Variants in POPDC1 observed in about 807,000 individuals in gnomAD.
The protein encoded by POPDC1 is popeye domain cAMP effector 1, also known as popeye domain-containing protein 1.
chr6:105,127,728 G>A, the POPDC1 span, among the ~76,000 whole-genome samples: 15 of 151,776 alleles, frequency 9.9e-5, no homozygotes, highest in East Asian at 1.9e-4. Flanking sequence ...GAGCTATGGC[G>A]CCCAGCCTCA....
the POPDC1 span, chr6:105,098,868 AAGC>A: frequency 6.6e-6 from 1 of 152,286 alleles, no homozygotes; most frequent in Non-Finnish European, 1.5e-5. Flanking sequence ...AGTACAGTGA[AAGC>A]AGCCTTTTTT....
chr6:105,108,131 C>T, the POPDC1 span, among the ~76,000 whole-genome samples: 28 of 152,244 alleles, frequency 1.8e-4, no homozygotes, highest in Admixed American at 3.9e-4. Context: ...CTGTACAGCG[C>T]GCAAGGTGTG....
the POPDC1 span, chr6:105,129,232 G>T: frequency 5.5e-6 from 3 of 542,552 alleles, no homozygotes; most frequent in South Asian, 8.2e-5. Flanking sequence ...TCACTTTCAG[G>T]CATAATGTAA....
chr6:105,115,701 T>C, the POPDC1 span: 1 of 1,614,160 alleles, frequency 6.2e-7, no homozygotes, highest in Non-Finnish European at 8.5e-7. Flanking sequence ...GAGGACATGC[T>C]GGAGGTACCC....
At chr6:105,107,808 T>G in the POPDC1 span, among the ~76,000 whole-genome samples, 27 of 151,400 alleles carry the variant, frequency 1.8e-4, no homozygotes, top group Non-Finnish European at 3.7e-4. Context: ...ATTTAATGGC[T>G]TTTTTTTTCC....
chr6:105,117,433 A>G, the POPDC1 span, among the ~76,000 whole-genome samples: 3 of 152,174 alleles, frequency 2.0e-5, no homozygotes, highest in Non-Finnish European at 2.9e-5. Flanking sequence ...TCAAGGTTAG[A>G]TCCAGGGTAG....
At chr6:105,109,567 G>T in the POPDC1 span, among the ~76,000 whole-genome samples, 19 of 151,360 alleles carry the variant, frequency 1.3e-4, no homozygotes, top group African/African-American at 4.4e-4. Flanking sequence ...GCAAGACGTG[G>T]TCTCTACAAA....
At chr6:105,126,100 CCT>C in the POPDC1 span, among the ~76,000 whole-genome samples, 1 of 151,940 alleles carries the variant, frequency 6.6e-6, no homozygotes, top group Admixed American at 6.6e-5. Context: ...GTGGCATGCA[CCT>C]GTAATCTCAG....
the POPDC1 span, among the ~76,000 whole-genome samples, chr6:105,120,607 C>T: frequency 4.6e-5 from 7 of 152,212 alleles, no homozygotes; most frequent in South Asian, 6.2e-4. Context: ...TCTTTCAGGT[C>T]GAGAATTAGA....
chr6:105,101,239 C>T, the POPDC1 span: 1 of 1,587,036 alleles, frequency 6.3e-7, no homozygotes, highest in South Asian at 1.2e-5. Flanking sequence ...GGAGGGAAAA[C>T]CACTGAATGC....
chr6:105,111,348 GT>G, the POPDC1 span, among the ~76,000 whole-genome samples: 3 of 152,186 alleles, frequency 2.0e-5, no homozygotes, highest in Non-Finnish European at 2.9e-5. Context: ...GAATGCATAT[GT>G]TTTATACATG....
At chr6:105,115,377 C>G in the POPDC1 span, among the ~76,000 whole-genome samples, 1 of 152,218 alleles carries the variant, frequency 6.6e-6, no homozygotes, top group Non-Finnish European at 1.5e-5. Context: ...CTCAGCCTCC[C>G]AAAGTGCTGG....
the POPDC1 span, among the ~76,000 whole-genome samples, chr6:105,122,393 C>T: frequency 6.6e-6 from 1 of 152,194 alleles, no homozygotes; most frequent in Admixed American, 6.5e-5. Flanking sequence ...TTCTCAACTA[C>T]CAAAATCCAA....
chr6:105,125,990 G>A, the POPDC1 span, among the ~76,000 whole-genome samples: 4 of 152,092 alleles, frequency 2.6e-5, no homozygotes, highest in East Asian at 1.9e-4. Flanking sequence ...TTGGAAGGCC[G>A]AGGCGGGTGG....
chr6:105,133,429 A>G, the POPDC1 span: 1 of 1,613,916 alleles, frequency 6.2e-7, no homozygotes, highest in Non-Finnish European at 8.5e-7. Flanking sequence ...TGCAAAACAA[A>G]TATTTGCTAC....
At chr6:105,112,885 T>TA in the POPDC1 span, among the ~76,000 whole-genome samples, 5 of 151,608 alleles carry the variant, frequency 3.3e-5, no homozygotes, top group Non-Finnish European at 1.5e-5. Context: ...TACTTGCATT[T>TA]AAAAAAACAC....
the POPDC1 span, among the ~76,000 whole-genome samples, chr6:105,116,435 T>C: frequency 6.6e-6 from 1 of 152,088 alleles, no homozygotes. Context: ...CCACCCCCTC[T>C]TACTCCTTTA....
At chr6:105,122,237 C>G in the POPDC1 span, among the ~76,000 whole-genome samples, 1 of 152,288 alleles carries the variant, frequency 6.6e-6, no homozygotes, top group South Asian at 2.1e-4. Context: ...TTTTAATCTA[C>G]TGGCCAATCA....
chr6:105,120,785 C>T, the POPDC1 span, among the ~76,000 whole-genome samples: 2 of 152,336 alleles, frequency 1.3e-5, no homozygotes, highest in South Asian at 2.1e-4. Flanking sequence ...GAATCAGAAA[C>T]CGCAGTGTGG....
Sources: allele counts gnomAD v4.1 joint callset (sites outside exome capture counted in the v4.1 genomes callset), GRCh38; gene constraint gnomAD v4.1.1; transcripts MANE v1.5; gene names NCBI Gene and HGNC (gene_info 2026-07-23, HGNC 2026-07-21).